Variants in ERC2 observed in about 807,000 individuals in gnomAD.
ERC2 encodes the protein ERC protein 2.
ERC2 carries 42 observed loss-of-function variants against 114.8 expected under a neutral mutation model. The ratio of observed to expected loss-of-function variants is 0.37; its 90% confidence interval spans 0.29 to 0.47. ERC2 has a LOEUF of 0.47. Ranked by LOEUF, ERC2 falls within the 20% of genes least tolerant of loss-of-function variation. The probability of loss-of-function intolerance (pLI) is 0.99; values close to 1 mark genes in which losing one functional copy is unlikely to be tolerated. For missense variants in ERC2, 939 were observed against 1,150.7 expected, an observed-to-expected ratio of 0.82 and a Z score of 2.66; for synonymous variants, 454 against 425.5, an observed-to-expected ratio of 1.07 and a Z score of -0.82.
chr3:55,827,688 C>G (rs1230480333), intron 14 of ERC2, among the ~76,000 whole-genome samples: 4 of 152,156 alleles, frequency 2.6e-5, no homozygotes, highest in Non-Finnish European at 2.9e-5. Flanking sequence ...ATATAATGAG[C>G]AGAAATCTTC....
intron 12 of ERC2, among the ~76,000 whole-genome samples, chr3:55,985,444 A>G (rs1377261159): frequency 6.6e-6 from 1 of 152,244 alleles, no homozygotes; most frequent in Non-Finnish European, 1.5e-5. Flanking sequence ...ATGTGTGTAC[A>G]ATATGTTACT....
At chr3:55,889,448 A>G (rs769458968) in intron 13 of ERC2, among the ~76,000 whole-genome samples, 4 of 152,174 alleles carry the variant, frequency 2.6e-5, no homozygotes, top group African/African-American at 7.2e-5. Context: ...GGGTGCTAAT[A>G]CACCATAGAA....
chr3:56,438,629 A>G (rs1354604322), intron 1 of ERC2, among the ~76,000 whole-genome samples: 1 of 152,210 alleles, frequency 6.6e-6, no homozygotes, highest in Non-Finnish European at 1.5e-5. Flanking sequence ...TGTGCTTACA[A>G]TCTAGATGTC....
chr3:56,063,571 A>T (rs994957376), intron 7 of ERC2, among the ~76,000 whole-genome samples: 1 of 152,212 alleles, frequency 6.6e-6, no homozygotes, highest in Non-Finnish European at 1.5e-5. Flanking sequence ...TGAAAGTAAG[A>T]GGTGAGCTTA....
At chr3:55,811,263 G>C (rs566022921) in intron 14 of ERC2, among the ~76,000 whole-genome samples, 1 of 152,166 alleles carries the variant, frequency 6.6e-6, no homozygotes, top group African/African-American at 2.4e-5. Context: ...GCCATATCAA[G>C]CATGCCTTTT....
intron 13 of ERC2, among the ~76,000 whole-genome samples, chr3:55,927,934 G>A (rs1235632912): frequency 6.6e-6 from 1 of 152,142 alleles, no homozygotes; most frequent in African/African-American, 2.4e-5. Flanking sequence ...CAAATGACAG[G>A]ATCTCATTCT....
intron 12 of ERC2, among the ~76,000 whole-genome samples, chr3:55,977,125 G>T (rs1188142082): frequency 6.6e-6 from 1 of 152,136 alleles, no homozygotes; most frequent in Non-Finnish European, 1.5e-5. Flanking sequence ...CTGTTCAGAA[G>T]CTCCCCAGTT....
At chr3:56,007,037 A>G (rs1404157375) in intron 10 of ERC2, 144 bp downstream of exon 10, 2 of 671,120 alleles carry the variant, frequency 3.0e-6, no homozygotes, top group Non-Finnish European at 4.7e-6. Flanking sequence ...TCTTAGCAAT[A>G]AAGTTAAGAG....
At chr3:56,301,317 T>C (rs1022295209) in intron 2 of ERC2, among the ~76,000 whole-genome samples, 1 of 152,238 alleles carries the variant, frequency 6.6e-6, no homozygotes, top group African/African-American at 2.4e-5. Flanking sequence ...TTTTAATTTT[T>C]CATTTTCTTT....
chr3:56,215,108 C>T (rs1346571028), intron 3 of ERC2, among the ~76,000 whole-genome samples: 1 of 152,160 alleles, frequency 6.6e-6, no homozygotes, highest in Non-Finnish European at 1.5e-5. Context: ...AACGAGCTAA[C>T]ATCATAATGA....
intron 2 of ERC2, among the ~76,000 whole-genome samples, chr3:56,433,157 C>A: frequency 7.2e-6 from 1 of 139,840 alleles, no homozygotes; most frequent in Non-Finnish European, 1.5e-5. Flanking sequence ...CCAGCCTGAG[C>A]AACAGCAAGA....
intron 7 of ERC2, among the ~76,000 whole-genome samples, chr3:56,045,014 C>T (rs990886614): frequency 6.6e-6 from 1 of 152,122 alleles, no homozygotes; most frequent in Non-Finnish European, 1.5e-5. Context: ...GAAATAGAAA[C>T]CACCAAAGCA....
At chr3:56,348,414 G>A (rs1021666704) in intron 2 of ERC2, among the ~76,000 whole-genome samples, 4 of 151,716 alleles carry the variant, frequency 2.6e-5, no homozygotes, top group Non-Finnish European at 4.4e-5. Context: ...GGGCCAGTGG[G>A]GACTACAGAG....
chr3:55,756,533 T>TAAAATTTC (rs960026298), intron 14 of ERC2, among the ~76,000 whole-genome samples: 11 of 152,230 alleles, frequency 7.2e-5, no homozygotes, highest in African/African-American at 2.7e-4. Flanking sequence ...TTTATCTTTC[T>TAAAATTTC]AAAATTTCAA....
chr3:55,856,696 T>C (rs994585101), intron 14 of ERC2, among the ~76,000 whole-genome samples: 3 of 152,026 alleles, frequency 2.0e-5, no homozygotes, highest in Non-Finnish European at 4.4e-5. Context: ...AAAACACATA[T>C]CCACATAAAA....
chr3:55,680,316 C>T lies in ERC2; in HGVS notation c.*39+3478G>A, dbSNP rs138659497. ...ATCTTTGCTCAATTACAAGAGTTCA[C>T]AGTAAGAGCTCAAACATTCAAATGT... On this transcript the variant is annotated intron_variant, in intron 17 of 17. Coordinates refer to ENST00000288221, the MANE Select transcript of ERC2 (RefSeq NM_015576.3). Among the ~76,000 whole-genome samples the T allele has an allele frequency of 6.1e-3, 931 of 152,318 alleles. 2 individuals are homozygous for T. The highest frequency in any genetic ancestry group is 0.01 in the Admixed American group (157 of 15,304).
intron 14 of ERC2, among the ~76,000 whole-genome samples, chr3:55,752,906 C>T (rs910423345): frequency 4.6e-5 from 7 of 152,168 alleles, no homozygotes; most frequent in African/African-American, 1.4e-4. Flanking sequence ...AGAGGACCAC[C>T]CCCTCAGTCA....
chr3:55,737,974 C>T (rs2065745056), intron 14 of ERC2, among the ~76,000 whole-genome samples: 1 of 152,142 alleles, frequency 6.6e-6, no homozygotes, highest in African/African-American at 2.4e-5. Flanking sequence ...TCAGGGTTGC[C>T]CTCCTATAAT....
chr3:55,777,237 G>A lies in ERC2; in HGVS notation c.2565-42319C>T, dbSNP rs146139225. Among the ~76,000 whole-genome samples, 365 of 152,248 alleles carry A rather than the reference G, an allele frequency of 2.4e-3. 2 individuals are homozygous for A. Among genetic ancestry groups the A allele is most frequent in the African/African-American group, 8.4e-3 (348 of 41,526 alleles). ...GCCAGGGACATCTGGCTTCAGTGTG[G>A]CATCTGAGGGCCCATGTAGCATCAG... On this transcript the variant is annotated intron_variant, in intron 14 of 17. Transcript: ENST00000288221.
Sources: allele counts gnomAD v4.1 joint callset (sites outside exome capture counted in the v4.1 genomes callset), GRCh38; gene constraint gnomAD v4.1.1; transcripts MANE v1.5; gene names NCBI Gene and HGNC (gene_info 2026-07-23, HGNC 2026-07-21).